GRID2: variants seen among roughly 807,000 people sequenced by gnomAD.
GRID2 encodes the protein glutamate ionotropic receptor delta type subunit 2, also known as glutamate receptor ionotropic, delta-2.
Under a neutral mutation model 114.8 loss-of-function variants are expected in GRID2, and 33 were observed. The observed-to-expected ratio is 0.29, with a 90% CI of 0.22 to 0.38. The LOEUF (loss-of-function observed/expected upper bound fraction) is 0.38, where lower values mean the gene tolerates loss of function less well. Among genes scored for constraint, GRID2 ranks in the 10% least tolerant of loss-of-function variants. GRID2 has a pLI of 1.00. For missense variants in GRID2, 1,184 were observed against 1,257.7 expected (o/e 0.94, Z 0.89); for synonymous variants, 505 against 449.9 (o/e 1.12, Z -1.55).
chr4:93,409,400 G>A (rs1766876283), intron 9 of GRID2, among the ~76,000 whole-genome samples: 1 of 152,096 alleles, frequency 6.6e-6, no homozygotes, highest in Admixed American at 6.6e-5. Flanking sequence ...GGTAGTGTCA[G>A]CTTTAGTTAG....
At chr4:93,626,495 T>C in intron 14 of GRID2, 60 bp downstream of exon 14, 1 of 1,109,490 alleles carries the variant, frequency 9.0e-7, no homozygotes, top group Admixed American at 2.2e-5. Context: ...GAATATCCAT[T>C]TGGTTACCAG....
chr4:93,259,541 G>A (rs1487933788), intron 8 of GRID2, among the ~76,000 whole-genome samples: 2 of 151,710 alleles, frequency 1.3e-5, no homozygotes, highest in Admixed American at 1.3e-4. Flanking sequence ...TTAATAAAGA[G>A]ATTTTCAAAG....
At position 93,606,752 on chromosome 4, in the gene GRID2, A is replaced by C. The variant is rs370785996; in HGVS notation, c.2194-19517A>C. On this transcript the variant is annotated intron_variant, in intron 13 of 15. Coordinates refer to ENST00000282020, the MANE Select transcript of GRID2 (RefSeq NM_001510.4). ...GGCCCTCCTGGCCTGACTAGGAATA[A>C]ATCAGTTATTAGAGCAAAGCAACTA... 9.1e-4 allele frequency among the ~76,000 whole-genome samples: 138 copies of C among 152,300 alleles called. 4 individuals carry two copies. In the South Asian group the frequency reaches 0.028, roughly 31 times the overall value.
At chr4:92,946,848 G>C (rs1175839067) in intron 2 of GRID2, among the ~76,000 whole-genome samples, 1 of 152,012 alleles carries the variant, frequency 6.6e-6, no homozygotes, top group Non-Finnish European at 1.5e-5. Flanking sequence ...TGAAAGCCAA[G>C]AATTTCCATT....
chr4:92,355,187 A>G (rs1728259344), intron 1 of GRID2, among the ~76,000 whole-genome samples: 1 of 151,756 alleles, frequency 6.6e-6, no homozygotes, highest in South Asian at 2.1e-4. Context: ...TAAGTTGGAG[A>G]TGTTTTCAGC....
At chr4:92,659,888 C>T (rs1439387158) in intron 2 of GRID2, among the ~76,000 whole-genome samples, 3 of 151,398 alleles carry the variant, frequency 2.0e-5, no homozygotes, top group Non-Finnish European at 4.4e-5. Flanking sequence ...TTAGTTAGTA[C>T]ATTCTTTCCT....
intron 3 of GRID2, among the ~76,000 whole-genome samples, chr4:93,106,622 G>T (rs968152656): frequency 2.6e-5 from 4 of 152,070 alleles, no homozygotes; most frequent in Non-Finnish European, 4.4e-5. Context: ...TGCACCCAGA[G>T]TACTCTCTTT....
At chr4:93,192,884 T>C (rs1741126269) in intron 4 of GRID2, among the ~76,000 whole-genome samples, 5 of 152,338 alleles carry the variant, frequency 3.3e-5, no homozygotes, top group Admixed American at 2.6e-4. Flanking sequence ...TTGCCTGCCT[T>C]ATCTCATGAG....
chr4:92,819,044 A>C (rs1220106598), intron 2 of GRID2, among the ~76,000 whole-genome samples: 1 of 152,150 alleles, frequency 6.6e-6, no homozygotes, highest in Non-Finnish European at 1.5e-5. Context: ...GCACTGAATC[A>C]GAACTATTTA....
chr4:92,503,640 TCTGATA>T lies in GRID2; in HGVS notation c.89-86486_89-86481del, dbSNP rs1374129895. ...AATGCCAATGCTGTCTGAAATGCTG[TCTGATA>T]CTGAGTCCCAGAACAGCATGATTTC... On this transcript the variant is annotated intron_variant, in intron 1 of 15. Coordinates refer to ENST00000282020, the MANE Select transcript of GRID2 (RefSeq NM_001510.4). Among the ~76,000 whole-genome samples, 44 of 152,284 alleles carry T rather than the reference TCTGATA, an allele frequency of 2.9e-4. 1 individual carries two copies. In the East Asian group the frequency reaches 4.1e-3, roughly 14 times the overall value.
intron 6 of GRID2, among the ~76,000 whole-genome samples, chr4:93,219,533 G>T (rs1744634110): frequency 6.6e-6 from 1 of 152,080 alleles, no homozygotes; most frequent in Admixed American, 6.6e-5. Flanking sequence ...TCTTATGTAT[G>T]ATAGAATTTG....
chr4:93,551,145 G>T (rs1300018642), intron 13 of GRID2, among the ~76,000 whole-genome samples: 1 of 152,204 alleles, frequency 6.6e-6, no homozygotes, highest in Non-Finnish European at 1.5e-5. Context: ...TGTCAGGAAT[G>T]TTAATAGTTA....
At chr4:92,940,029 G>T (rs2149533495) in intron 2 of GRID2, among the ~76,000 whole-genome samples, 1 of 147,244 alleles carries the variant, frequency 6.8e-6, no homozygotes, top group African/African-American at 2.4e-5. Context: ...TTTTGGCTTA[G>T]AATTGACTTG....
At chr4:92,926,920 G>T (rs1027670493) in intron 2 of GRID2, among the ~76,000 whole-genome samples, 8 of 151,822 alleles carry the variant, frequency 5.3e-5, no homozygotes, top group Non-Finnish European at 1.2e-4. Context: ...CTTCTTAAAA[G>T]TTCCACTCTC....
In GRID2 at chr4:93,544,277, T is replaced by C. The variant is rs373270273; in HGVS notation, c.2193+28866T>C. ...ATCTCTGGGAAATAATTTGTAAAAA[T>C]TTAAATGGGTTAGCATTTAAAATAA... On this transcript the variant is annotated intron_variant, in intron 13 of 15. Coordinates refer to ENST00000282020, the MANE Select transcript of GRID2 (RefSeq NM_001510.4). 1.1e-4 allele frequency among the ~76,000 whole-genome samples: 16 copies of C among 149,700 alleles called. 1 individual carries two copies. The South Asian group carries it at 1.5e-3, about 14-fold the overall frequency.
chr4:93,001,212 A>C (rs1019703636), intron 2 of GRID2, among the ~76,000 whole-genome samples: 7 of 151,710 alleles, frequency 4.6e-5, no homozygotes, highest in African/African-American at 1.7e-4. Context: ...CATATCATGA[A>C]ACTATAATTT....
intron 8 of GRID2, among the ~76,000 whole-genome samples, chr4:93,323,567 T>C (rs1757485677): frequency 6.6e-6 from 1 of 152,214 alleles, no homozygotes; most frequent in African/African-American, 2.4e-5. Context: ...AAAGTAGTTT[T>C]TTCTAATTCT....
In GRID2 at chr4:93,244,510, A is replaced by G. The variant is rs560097994; in HGVS notation, c.1245+6020A>G. Among the ~76,000 whole-genome samples, 18 of 49,372 alleles carry G rather than the reference A, an allele frequency of 3.6e-4. 1 individual carries two copies. The highest frequency in any genetic ancestry group is 1.3e-3 in the African/African-American group (17 of 12,794). 32.4% of individuals were successfully genotyped at this position (49,372 alleles called of 152,430 possible). ...TAATCTATTAATTAATAGATTATAT[A>G]ATCTATTAATTAATAGATTATATAA... is the stretch of plus-strand genomic sequence containing the variant. On this transcript the variant is annotated intron_variant, in intron 8 of 15. Transcript: ENST00000282020.
chr4:93,803,434 C>T (rs1361022266), intron 1 of GRID2, among the ~76,000 whole-genome samples: 4 of 152,130 alleles, frequency 2.6e-5, no homozygotes, highest in Admixed American at 1.3e-4. Flanking sequence ...CAAAACCACA[C>T]CTTTTTTGGC....
Sources: gnomAD v4.1 joint callset for allele counts (sites outside exome capture counted in the v4.1 genomes callset) on GRCh38, gnomAD v4.1.1 for gene constraint, MANE v1.5 for transcripts, NCBI Gene and HGNC (gene_info 2026-07-23, HGNC 2026-07-21) for gene names.